The following PRKRIP1 variants were observed in gnomAD, a reference collection of about 807,000 sequenced individuals.
PRKRIP1 encodes PRKR-interacting protein 1.
PRKRIP1 carries 29 observed loss-of-function variants against 29.3 expected under a neutral mutation model. The ratio of observed to expected loss-of-function variants is 0.99; its 90% CI spans 0.74 to 1.35. PRKRIP1 has a LOEUF of 1.35. PRKRIP1 is among the 40% of genes most tolerant of loss of function. The pLI, the probability that PRKRIP1 is intolerant of heterozygous loss-of-function variation, is 0.00. For missense variants in PRKRIP1, 247 were observed against 236.8 expected (o/e 1.04, Z -0.28); for synonymous variants, 90 against 85.1 (o/e 1.06, Z -0.32).
At chr7:102,406,778 C>T (rs1796234824) in intron 4 of PRKRIP1, among the ~76,000 whole-genome samples, 1 of 151,494 alleles carries the variant, frequency 6.6e-6, no homozygotes, top group African/African-American at 2.4e-5. Flanking sequence ...CTTTACGACC[C>T]ATTTTGAATT....
At chr7:102,404,493 A>T (rs1319290771) in intron 3 of PRKRIP1, 105 bp from the exon 4 acceptor site, 1 of 854,556 alleles carries the variant, frequency 1.2e-6, no homozygotes, top group Non-Finnish European at 1.9e-6. Flanking sequence ...TGCCTCCGTC[A>T]CCCCCAGTGG....
chr7:102,419,016 C>T (rs1796623971), intron 5 of PRKRIP1, among the ~76,000 whole-genome samples: 1 of 152,146 alleles, frequency 6.6e-6, no homozygotes, highest in South Asian at 2.1e-4. Flanking sequence ...TTTCCCCACA[C>T]TCCCTTCACA....
chr7:102,425,164 G>A lies in PRKRIP1; in HGVS notation c.*53G>A. The stretch of plus-strand genomic sequence containing the variant: ...ACCTGGCTCGTGCTGTGACCAGAAG[G>A]GAAAGGCGGCTGTTTGGCTCTTTCT... On this transcript the variant is annotated 3_prime_UTR_variant, in exon 6 of 6. Transcript: ENST00000397912. 6.4e-7 allele frequency: 1 copy of A among 1,573,960 alleles called. No homozygotes were observed. Among genetic ancestry groups the A allele is most frequent in the Non-Finnish European group, 8.6e-7 (1 of 1,164,466 alleles).
At chr7:102,403,011 A>C (rs1796114482) in intron 3 of PRKRIP1, among the ~76,000 whole-genome samples, 2 of 151,650 alleles carry the variant, frequency 1.3e-5, no homozygotes, top group African/African-American at 4.9e-5. Flanking sequence ...AGTACCTGGG[A>C]TTACAGGTGC....
At chr7:102,397,253 T>A (rs1445247785) in intron 1 of PRKRIP1, among the ~76,000 whole-genome samples, 2 of 152,146 alleles carry the variant, frequency 1.3e-5, no homozygotes, top group Non-Finnish European at 1.5e-5. Context: ...TCTTAAGAGA[T>A]GTAACTTGGG....
At chr7:102,409,253 A>G (rs917883095) in intron 5 of PRKRIP1, among the ~76,000 whole-genome samples, 1 of 152,198 alleles carries the variant, frequency 6.6e-6, no homozygotes, top group Non-Finnish European at 1.5e-5. Context: ...TGTGTGACAC[A>G]TCGGATATGG....
At chr7:102,419,947 C>A (rs1796652485) in intron 5 of PRKRIP1, among the ~76,000 whole-genome samples, 1 of 151,658 alleles carries the variant, frequency 6.6e-6, no homozygotes, top group Non-Finnish European at 1.5e-5. Flanking sequence ...GTGGCGCAAT[C>A]TCAGGTCACT....
intron 1 of PRKRIP1, among the ~76,000 whole-genome samples, 165 bp downstream of exon 1, chr7:102,396,702 C>T (rs1795909469): frequency 6.6e-6 from 1 of 152,112 alleles, no homozygotes; most frequent in African/African-American, 2.4e-5. Flanking sequence ...GAGGCTGTCC[C>T]GGAGATAGTG....
intron 5 of PRKRIP1, chr7:102,423,181 C>T (rs1554574003): frequency 4.5e-6 from 2 of 446,986 alleles, no homozygotes; most frequent in East Asian, 1.4e-4. Flanking sequence ...GTGGCGCTAT[C>T]TCGGCTCACT....
chr7:102,418,841 C>T (rs1335291356), intron 5 of PRKRIP1, among the ~76,000 whole-genome samples: 1 of 152,034 alleles, frequency 6.6e-6, no homozygotes, highest in East Asian at 1.9e-4. Context: ...TTACTTAGAT[C>T]AGCACTTTCT....
chr7:102,420,848 C>T (rs367610092), intron 5 of PRKRIP1, among the ~76,000 whole-genome samples: 3 of 152,318 alleles, frequency 2.0e-5, no homozygotes, highest in African/African-American at 4.8e-5. Context: ...ATACACAACA[C>T]GGATTATTCA....
At chr7:102,397,738 AAATAT>A in intron 2 of PRKRIP1, 40 bp downstream of exon 2, 1 of 1,550,548 alleles carries the variant, frequency 6.4e-7, no homozygotes, top group Non-Finnish European at 8.8e-7. Flanking sequence ...GTGTGTGTGT[AAATAT>A]AATTTTTTAA....
intron 5 of PRKRIP1, among the ~76,000 whole-genome samples, chr7:102,411,982 G>A (rs1796397833): frequency 2.6e-5 from 4 of 151,574 alleles, no homozygotes; most frequent in South Asian, 4.2e-4. Context: ...TCGCTCTGTC[G>A]CCCAGGCTGG....
At chr7:102,402,700 T>A (rs1027969247) in intron 3 of PRKRIP1, among the ~76,000 whole-genome samples, 2 of 151,814 alleles carry the variant, frequency 1.3e-5, no homozygotes, top group Non-Finnish European at 2.9e-5. Context: ...CTCTGAGATT[T>A]AAAAAAAAGG....
rs782521102 is a variant in PRKRIP1, at chr7:102,407,426, A to T, written c.393-8A>T. 1 of 1,586,988 alleles carries T rather than the reference A, an allele frequency of 6.3e-7. No homozygotes were observed. Among genetic ancestry groups the T allele is most frequent in the East Asian group, 2.2e-5 (1 of 44,752 alleles). ...AAGGAATCAATGTATATGGTTTTAC[A>T]TTTTTAGCCAGAAGTTAAAAGAGAA... is the stretch of plus-strand genomic sequence containing the variant. On this transcript the variant is annotated splice_polypyrimidine_tract_variant and splice_region_variant and intron_variant, in intron 4 of 5. Coordinates refer to ENST00000397912, the MANE Select transcript of PRKRIP1 (RefSeq NM_024653.4).
intron 5 of PRKRIP1, among the ~76,000 whole-genome samples, chr7:102,409,696 C>T (rs116561035): frequency 0.011 from 1,727 of 151,988 alleles, 18 homozygotes; most frequent in Middle Eastern, 0.054. Context: ...TGGTGGTGCA[C>T]GCCTGTCGTC....
chr7:102,399,643 GAGA>G lies in PRKRIP1; in HGVS notation c.304_306del (p.Lys102del), dbSNP rs782702232. 6.2e-7 allele frequency: 1 copy of G among 1,612,466 alleles called. No individual in the cohort carries two copies. Among genetic ancestry groups the G allele is most frequent in the Non-Finnish European group, 8.5e-7 (1 of 1,178,554 alleles). On this transcript the variant is annotated inframe_deletion and splice_region_variant, in exon 3 of 6. Transcript: ENST00000397912. ...ACAGGACTACATGGATGCCATGGCT[GAGA>G]AGGTCAGTGAGCCAGAAGGCTGGCT...
At position 102,397,665 on chromosome 7, in the gene PRKRIP1, C is replaced by T. The variant is rs1554570588; in HGVS notation, c.172C>T (p.Arg58Ter). The part of the protein sequence containing the change: ...IPEKMSEWAP[R>*]PPPEFVRDVM... Reference sequence around the variant, plus strand: ...AGAGAAAATGAGTGAATGGGCACCTCGACCTCCCCCAGAATTTGTCCGAGA... The same window carrying T: ...AGAGAAAATGAGTGAATGGGCACCTTGACCTCCCCCAGAATTTGTCCGAGA... The change falls in exon 2 of 6, where the codon CGA becomes TGA. Residue 58 changes from arginine to a stop codon, truncating the protein, a stop_gained. Coordinates refer to ENST00000397912, the MANE Select transcript of PRKRIP1 (RefSeq NM_024653.4). LOFTEE classifies it high-confidence loss of function. The T allele has an allele frequency of 6.2e-7, 1 of 1,613,770 alleles. No homozygotes were observed. Among genetic ancestry groups the T allele is most frequent in the Non-Finnish European group, 8.5e-7 (1 of 1,179,878 alleles).
intron 1 of PRKRIP1, 70 bp from the exon 2 acceptor site, chr7:102,397,550 A>G (rs1258466142): frequency 7.8e-7 from 1 of 1,281,908 alleles, no homozygotes; most frequent in African/African-American, 1.5e-5. Flanking sequence ...TGTCTCTAAA[A>G]AAAGAGAGGG....
Sources: gnomAD v4.1 joint callset for allele counts (sites outside exome capture counted in the v4.1 genomes callset) on GRCh38, gnomAD v4.1.1 for gene constraint, MANE v1.5 for transcripts, NCBI Gene and HGNC (gene_info 2026-07-23, HGNC 2026-07-21) for gene names.